The following PIK3R1 variants were observed in gnomAD, a reference collection of about 807,000 sequenced individuals.
PIK3R1 encodes phosphatidylinositol 3-kinase regulatory subunit alpha.
A neutral mutation model predicts 98.0 loss-of-function variants in PIK3R1; 29 were observed. That is an observed-to-expected ratio of 0.30 (90% CI 0.22 to 0.40). The LOEUF is 0.40. Among genes scored for constraint, PIK3R1 ranks in the 10% least tolerant of loss-of-function variants. PIK3R1 has a pLI of 1.00. For missense variants in PIK3R1, 596 were observed against 872.7 expected, an observed-to-expected ratio of 0.68 and a Z score of 3.99; for synonymous variants, 282 against 311.8, an observed-to-expected ratio of 0.90 and a Z score of 1.01.
intron 7 of PIK3R1, chr5:68,288,636 G>A: frequency 6.3e-7 from 1 of 1,597,324 alleles, no homozygotes; most frequent in East Asian, 2.2e-5. Flanking sequence ...AACAGGCTGG[G>A]GGGAGGTGCG....
intron 7 of PIK3R1, 46 bp downstream of exon 7, chr5:68,281,052 AG>A: frequency 3.8e-6 from 5 of 1,330,702 alleles, no homozygotes; most frequent in African/African-American, 1.5e-5. Context: ...TTCATTTTTT[AG>A]AGCCTTAAAA....
intron 2 of PIK3R1, among the ~76,000 whole-genome samples, chr5:68,242,003 A>G (rs1004609889): frequency 1.3e-5 from 2 of 152,228 alleles, no homozygotes; most frequent in Admixed American, 1.3e-4. Flanking sequence ...ATTTATGACA[A>G]TTTGCACACA....
intron 2 of PIK3R1, among the ~76,000 whole-genome samples, chr5:68,244,885 T>G (rs13163961): frequency 0.2 from 30,924 of 152,158 alleles, 3,637 homozygotes; most frequent in African/African-American, 0.33. Context: ...GGACAATTTC[T>G]AAGAAATCCA....
At position 68,300,414 on chromosome 5, in the gene PIK3R1, G is replaced by A. The variant is rs1747975170; in HGVS notation, c.*2813G>A. The A allele has an allele frequency of 4.3e-6, 1 of 232,890 alleles. No individual in the cohort carries two copies. The highest frequency in any genetic ancestry group is 2.2e-5 in the African/African-American group (1 of 45,308). 14.4% of individuals were successfully genotyped at this position (232,890 alleles called of 1,614,324 possible). ...GAATAGATACAGCAGAGGCACTCCT[G>A]ATATATGATTTTTATCCATGCGTCA... On this transcript the variant is annotated 3_prime_UTR_variant, in exon 16 of 16. Coordinates refer to ENST00000521381, the MANE Select transcript of PIK3R1 (RefSeq NM_181523.3).
In PIK3R1 at chr5:68,299,227, A is replaced by G. The variant is rs1747904584; in HGVS notation, c.*1626A>G. ...ATGACCAGCAAATACTCATTTTAGG[A>G]AAAAAAAAAGCATGATCTGAAAAAT... On this transcript the variant is annotated 3_prime_UTR_variant, in exon 16 of 16. Transcript: ENST00000521381. The G allele has an allele frequency of 2.3e-5, 5 of 215,986 alleles. No homozygotes were observed. The highest frequency in any genetic ancestry group is 6.7e-5 in the East Asian group (1 of 14,846). The allele number at this position is 215,986 out of a possible 1,614,324, so 13.4% of individuals were successfully genotyped here.
intron 12 of PIK3R1, among the ~76,000 whole-genome samples, 180 bp from the exon 13 acceptor site, chr5:68,294,960 TAAAAATAA>T (rs1190024490): frequency 2.4e-5 from 2 of 82,354 alleles, no homozygotes; most frequent in Non-Finnish European, 5.1e-5. Flanking sequence ...TAAAGTATAA[TAAAAATAA>T]AAAAATAAAA....
At chr5:68,293,510 G>C (rs1485210568) in intron 10 of PIK3R1, 27 bp downstream of exon 10, 1 of 1,538,270 alleles carries the variant, frequency 6.5e-7, no homozygotes, top group Non-Finnish European at 8.9e-7. Flanking sequence ...GAATTATCCA[G>C]TTACGATGTT....
At chr5:68,292,907 C>G (rs1747471540) in intron 8 of PIK3R1, 194 bp from the exon 9 acceptor site, 1 of 682,704 alleles carries the variant, frequency 1.5e-6, no homozygotes, top group East Asian at 2.8e-5. Context: ...ATTATTAGCT[C>G]TTATTAGTGA....
intron 2 of PIK3R1, among the ~76,000 whole-genome samples, chr5:68,268,077 G>C (rs1054887247): frequency 6.6e-6 from 1 of 152,058 alleles, no homozygotes; most frequent in South Asian, 2.1e-4. Flanking sequence ...CACGATGCCT[G>C]TCATGTTTAT....
intron 2 of PIK3R1, among the ~76,000 whole-genome samples, chr5:68,249,694 G>T (rs1311743500): frequency 6.6e-6 from 1 of 152,070 alleles, no homozygotes; most frequent in Non-Finnish European, 1.5e-5. Context: ...CCATAAAGCT[G>T]CATTTAAATA....
At chr5:68,262,511 TATAC>T (rs1435767584) in intron 2 of PIK3R1, among the ~76,000 whole-genome samples, 1 of 121,522 alleles carries the variant, frequency 8.2e-6, no homozygotes, top group African/African-American at 3.3e-5. Context: ...TCTATATATG[TATAC>T]ATATAGATAC....
chr5:68,292,718 A>AGG, intron 8 of PIK3R1: 1 of 1,271,524 alleles, frequency 7.9e-7, no homozygotes, highest in Non-Finnish European at 1.0e-6. Flanking sequence ...AGCTTTGGGA[A>AGG]GGGGGAGTAA....
At chr5:68,292,890 TA>T in intron 8 of PIK3R1, 1 of 697,402 alleles carries the variant, frequency 1.4e-6, no homozygotes, top group Admixed American at 3.3e-5. Flanking sequence ...CATTTCTATT[TA>T]AACAAATTAT....
Position 68,239,838 on chromosome 5 carries a change from A to T in PIK3R1, c.334+12829A>T, listed in dbSNP as rs949792954. ...GTTAAACAAGCAGATTTTTCCTCTC[A>T]GGAAACAGACACAAGAACAACTGAA... On this transcript the variant is annotated intron_variant, in intron 2 of 15. Coordinates refer to ENST00000521381, the MANE Select transcript of PIK3R1 (RefSeq NM_181523.3). 3.7e-4 allele frequency: 186 copies of T among 506,258 alleles called. 1 individual carries two copies. Among genetic ancestry groups the T allele is most frequent in the African/African-American group, 3.1e-3 (164 of 52,492 alleles). The allele number at this position is 506,258 out of a possible 1,614,324, so 31.4% of individuals were successfully genotyped here.
chr5:68,297,905 G>A lies in PIK3R1; in HGVS notation c.*304G>A, dbSNP rs56392116. The A allele has an allele frequency of 1.3e-3, 349 of 260,298 alleles. No homozygotes were observed. The highest frequency in any genetic ancestry group is 4.0e-3 in the African/African-American group (183 of 46,150). The allele number at this position is 260,298 out of a possible 1,614,324, so 16.1% of individuals were successfully genotyped here. A position where few individuals can be genotyped will look rare whatever the true frequency, so the allele number is the denominator to read the frequency against. ...GAAAAAGAAATGCAAAAATCTCTGC[G>A]TGCAGGGACAAAGAGGCCTTTAACC... is the stretch of plus-strand genomic sequence containing the variant. On this transcript the variant is annotated 3_prime_UTR_variant, in exon 16 of 16. Transcript: ENST00000521381.
chr5:68,277,438 T>A (rs1293261030), intron 4 of PIK3R1, among the ~76,000 whole-genome samples: 1 of 152,228 alleles, frequency 6.6e-6, no homozygotes, highest in East Asian at 1.9e-4. Context: ...TCTTCACCTT[T>A]TAAATTTAAT....
Position 68,298,371 on chromosome 5 carries a change from C to CTGTT in PIK3R1, c.*772_*775dup. 1 of 233,268 alleles carries CTGTT rather than the reference C, an allele frequency of 4.3e-6. No individual in the cohort carries two copies. Among genetic ancestry groups the CTGTT allele is most frequent in the Non-Finnish European group, 8.5e-6 (1 of 117,852 alleles). The allele number at this position is 233,268 out of a possible 1,614,324, so 14.4% of individuals were successfully genotyped here. On this transcript the variant is annotated 3_prime_UTR_variant, in exon 16 of 16. Coordinates refer to ENST00000521381, the MANE Select transcript of PIK3R1 (RefSeq NM_181523.3). ...GATTTGTATCAATACCAAATAGCTT[C>CTGTT]TGTTTTGTTTTGCTGAAGGCTAAAT...
chr5:68,221,947 A>G (rs1744105943), intron 1 of PIK3R1, among the ~76,000 whole-genome samples: 1 of 152,242 alleles, frequency 6.6e-6, no homozygotes, highest in Non-Finnish European at 1.5e-5. Flanking sequence ...ATTATATAAG[A>G]GTAAGTTAGT....
chr5:68,216,442 T>A (rs1743886053), intron 1 of PIK3R1, among the ~76,000 whole-genome samples: 1 of 152,138 alleles, frequency 6.6e-6, no homozygotes, highest in African/African-American at 2.4e-5. Flanking sequence ...CCCGGGCCCT[T>A]CCCGGGGCGG....
Sources: gnomAD v4.1 joint callset for allele counts (sites outside exome capture counted in the v4.1 genomes callset) on GRCh38, gnomAD v4.1.1 for gene constraint, MANE v1.5 for transcripts, NCBI Gene and HGNC (gene_info 2026-07-23, HGNC 2026-07-21) for gene names.